Variants in PLCH2 observed in about 807,000 individuals in gnomAD.
The protein encoded by PLCH2 is 1-phosphatidylinositol 4,5-bisphosphate phosphodiesterase eta-2.
Under a neutral mutation model 134.7 loss-of-function variants are expected in PLCH2, and 98 were observed. That is an observed-to-expected ratio of 0.73 (90% CI 0.62 to 0.86). The LOEUF (loss-of-function observed/expected upper bound fraction) is 0.86. Among genes scored for constraint, PLCH2 ranks in the 40% least tolerant of loss-of-function variants. The probability of loss-of-function intolerance (pLI) is 0.00; values close to 1 mark genes in which losing one functional copy is unlikely to be tolerated. For missense variants in PLCH2, 1,994 were observed against 1,986.6 expected (o/e 1.00, Z -0.07); for synonymous variants, 974 against 827.5 (o/e 1.18, Z -3.04).
chr1:2,499,354 A>G, intron 19 of PLCH2, 124 bp downstream of exon 19: 1 of 1,217,166 alleles, frequency 8.2e-7, no homozygotes, highest in South Asian at 1.4e-5. Flanking sequence ...AAGAGACAGG[A>G]GCTGAGGACG....
intron 2 of PLCH2, among the ~76,000 whole-genome samples, chr1:2,438,619 G>T (rs1183454706): frequency 6.6e-6 from 1 of 152,208 alleles, no homozygotes; most frequent in Non-Finnish European, 1.5e-5. Flanking sequence ...TTTGCCGATT[G>T]CCCAAGAGAG....
chr1:2,503,637 G>C (rs760419011), intron 21 of PLCH2: 2 of 697,382 alleles, frequency 2.9e-6, no homozygotes, highest in Non-Finnish European at 5.2e-6. Flanking sequence ...AGAGCGGCGA[G>C]TGACAGGTAA....
At chr1:2,490,311 C>A (rs1642504055) in intron 10 of PLCH2, among the ~76,000 whole-genome samples, 1 of 152,196 alleles carries the variant, frequency 6.6e-6, no homozygotes, top group South Asian at 2.1e-4. Flanking sequence ...CCCAGCCACC[C>A]CCGTGGCCAG....
At chr1:2,479,100 G>A (rs970174965) in intron 2 of PLCH2, 24 of 175,748 alleles carry the variant, frequency 1.4e-4, no homozygotes, top group South Asian at 1.5e-4. Flanking sequence ...CACAGGGAAC[G>A]GGTAGGGTCC....
At chr1:2,473,908 C>G (rs1641472402), upstream of PLCH2, among the ~76,000 whole-genome samples, 1 of 152,262 alleles carries the variant, frequency 6.6e-6, no homozygotes, top group Non-Finnish European at 1.5e-5. Context: ...ACAATCCCAC[C>G]TGAGCTCCCA....
chr1:2,448,439 C>T lies in PLCH2; in HGVS notation c.115+17810C>T, dbSNP rs1640042516. On this transcript the variant is annotated intron_variant, in intron 2 of 3. Coordinates refer to the PLCH2 transcript ENST00000609981. The surrounding 1 kb of genome is among the most constrained non-coding windows in gnomAD (Gnocchi z 4.0). ...TCCCTCGCCCTTCTCTCCGTCTTCTCTTGCGCCTCGAGTCTCCTTTGTCCT... is the reference window on the plus strand; with the variant it reads ...TCCCTCGCCCTTCTCTCCGTCTTCTTTTGCGCCTCGAGTCTCCTTTGTCCT... Among the ~76,000 whole-genome samples the T allele has an allele frequency of 6.6e-6, 1 of 152,316 alleles. No individual in the cohort carries two copies. Among genetic ancestry groups the T allele is most frequent in the African/African-American group, 2.4e-5 (1 of 41,570 alleles).
chr1:2,467,641 G>C, exon 1 of PLCH2: 1 of 412,154 alleles, frequency 2.4e-6, no homozygotes, highest in Non-Finnish European at 4.3e-6. Flanking sequence ...TGGGCCCCCA[G>C]GTGGGCTCAG....
Position 2,504,861 on chromosome 1 carries a change from C to G in PLCH2, c.3899C>G (p.Thr1300Arg), listed in dbSNP as rs1643453967. 4 of 1,599,612 alleles carry G rather than the reference C, an allele frequency of 2.5e-6. No homozygotes were observed. Among genetic ancestry groups the G allele is most frequent in the Non-Finnish European group, 3.4e-6 (4 of 1,173,360 alleles). Residue 1300 changes from threonine (T) to arginine (R), a missense_variant, in exon 22 of 22, where the codon ACA becomes AGA. Transcript: ENST00000378486. Reference sequence around the variant, plus strand: ...CCAGGGGTGAGACGGGACACCCTGACAGAGCAGCTGCGCTGGCTCACTGTC... The same window carrying G: ...CCAGGGGTGAGACGGGACACCCTGAGAGAGCAGCTGCGCTGGCTCACTGTC... Reference protein sequence around the residue: ...SGPGVRRDTLTEQLRWLTVFQ... With the variant: ...SGPGVRRDTLREQLRWLTVFQ...
upstream of PLCH2, among the ~76,000 whole-genome samples, chr1:2,466,707 T>C (rs1301176256): frequency 6.6e-6 from 1 of 152,234 alleles, no homozygotes. Context: ...ACACCCCCCA[T>C]GGGTGGACGT....
At chr1:2,446,481 C>A (rs1002537614) in intron 2 of PLCH2, among the ~76,000 whole-genome samples, 1 of 152,220 alleles carries the variant, frequency 6.6e-6, no homozygotes, top group Non-Finnish European at 1.5e-5. Flanking sequence ...CTCCCTCCCC[C>A]CAGCTGCAGG....
At position 2,495,000 on chromosome 1, in the gene PLCH2, TGCTCCCAGTGCCCCGTGTCCTCC is replaced by T. The variant is rs1642802959; in HGVS notation, c.1752+53_1752+75del. On this transcript the variant is annotated intron_variant, in intron 12 of 21. Transcript: ENST00000378486. ...CCCGGTCTGGGCCCAGTGTCCTCCCTGCTCCCAGTGCCCCGTGTCCTCCCTGCTCCCAGTGCCCCGTGTCCTCC... is the reference window on the plus strand; with the variant it reads ...CCCGGTCTGGGCCCAGTGTCCTCCCTCTGCTCCCAGTGCCCCGTGTCCTCC... 4.1e-6 allele frequency: 5 copies of T among 1,206,140 alleles called. No individual in the cohort carries two copies. In the African/African-American group the frequency reaches 6.0e-5, roughly 14 times the overall value. The allele number at this position is 1,206,140 out of a possible 1,614,324, so 74.7% of individuals were successfully genotyped here.
Position 2,487,555 on chromosome 1 carries a change from G to A in PLCH2, c.1115-43G>A, listed in dbSNP as rs772130024. The A allele has an allele frequency of 4.4e-6, 7 of 1,590,246 alleles. No individual in the cohort carries two copies. In the East Asian group the frequency reaches 1.6e-4, roughly 36 times the overall value. ...GAAGCTCAGCCTGCCTGGGCTCACT[G>A]TGGCTAGGCCCCTGGGGCTGACCAA... On this transcript the variant is annotated intron_variant, in intron 7 of 21. Coordinates refer to ENST00000378486, the MANE Select transcript of PLCH2 (RefSeq NM_014638.4).
intron 21 of PLCH2, 75 bp from the exon 22 acceptor site, chr1:2,503,847 C>T (rs1389824564): frequency 1.8e-5 from 12 of 648,930 alleles, no homozygotes; most frequent in South Asian, 6.9e-5. Context: ...GACTCCTCTC[C>T]GCCTCTCTCC....
At chr1:2,447,252 C>A (rs568493779) in intron 2 of PLCH2, among the ~76,000 whole-genome samples, 5 of 152,306 alleles carry the variant, frequency 3.3e-5, no homozygotes, top group African/African-American at 1.2e-4. Context: ...AGGGTGGGGC[C>A]CCAAGTCTGT....
intron 20 of PLCH2, 81 bp downstream of exon 20, chr1:2,499,801 A>G: frequency 8.9e-7 from 1 of 1,126,124 alleles, no homozygotes; most frequent in Non-Finnish European, 1.3e-6. Context: ...ATGTGTCCCC[A>G]GTGCTGGGTC....
At chr1:2,423,051 A>G (rs1638597986), upstream of PLCH2, among the ~76,000 whole-genome samples, 1 of 152,254 alleles carries the variant, frequency 6.6e-6, no homozygotes, top group East Asian at 1.9e-4. Context: ...ATAGACTCAC[A>G]GTGATGAATA....
chr1:2,454,315 C>T (rs1640383827), intron 2 of PLCH2, among the ~76,000 whole-genome samples: 2 of 152,216 alleles, frequency 1.3e-5, no homozygotes, highest in African/African-American at 4.8e-5. Context: ...TGGGGATCCC[C>T]AGGCAGCCCC....
intron 2 of PLCH2, among the ~76,000 whole-genome samples, chr1:2,455,807 C>CT (rs1194700673): frequency 1.3e-5 from 2 of 152,206 alleles, no homozygotes; most frequent in Non-Finnish European, 1.5e-5. Flanking sequence ...CTCCACCCCC[C>CT]TGCAGGGCCT....
intron 2 of PLCH2, among the ~76,000 whole-genome samples, chr1:2,451,328 G>A (rs944800114): frequency 2.6e-5 from 4 of 152,248 alleles, no homozygotes; most frequent in African/African-American, 7.2e-5. Context: ...AAGATCATAC[G>A]CAGTAGCGTC....
Sources: gnomAD v4.1 joint callset for allele counts (sites outside exome capture counted in the v4.1 genomes callset) on GRCh38, gnomAD v4.1.1 for gene constraint, Gnocchi (gnomAD v3.1) non-coding constraint, MANE v1.5 for transcripts, NCBI Gene and HGNC (gene_info 2026-07-23, HGNC 2026-07-21) for gene names.